Variants in SLC4A1 observed in about 807,000 individuals in gnomAD.
SLC4A1 encodes solute carrier family 4 member 1 (Diego blood group).
SLC4A1 carries 29 observed loss-of-function variants against 93.1 expected under a neutral mutation model. The ratio of observed to expected loss-of-function variants is 0.31; its 90% CI spans 0.23 to 0.42. The LOEUF (loss-of-function observed/expected upper bound fraction) is 0.42. Among genes scored for constraint, SLC4A1 ranks in the 20% least tolerant of loss-of-function variants. The pLI, the probability that SLC4A1 is intolerant of heterozygous loss-of-function variation, is 1.00. For missense variants in SLC4A1, 965 were observed against 1,190.1 expected, an observed-to-expected ratio of 0.81 and a Z score of 2.78; for synonymous variants, 469 against 497.2, an observed-to-expected ratio of 0.94 and a Z score of 0.76.
Position 44,268,110 on chromosome 17 carries a change from C to T in SLC4A1, c.-125G>A, listed in dbSNP as rs758571612. 5.1e-6 allele frequency: 5 copies of T among 985,470 alleles called. No individual in the cohort carries two copies. Among genetic ancestry groups the T allele is most frequent in the African/African-American group, 3.5e-5 (2 of 57,316 alleles). The allele number at this position is 985,470 out of a possible 1,614,324, so 61.0% of individuals were successfully genotyped here. On this transcript the variant is annotated 5_prime_UTR_variant, in exon 1 of 20. Coordinates refer to ENST00000262418, the MANE Select transcript of SLC4A1 (RefSeq NM_000342.4). ...GTCCTGCAGCCGCTGGTGCCCTCTGCGACCAGCTACGTTCCCACTCGTTCT... is the reference window on the plus strand; with the variant it reads ...GTCCTGCAGCCGCTGGTGCCCTCTGTGACCAGCTACGTTCCCACTCGTTCT...
intron 14 of SLC4A1, among the ~76,000 whole-genome samples, 186 bp from the exon 15 acceptor site, chr17:44,255,482 A>G (rs1263762840): frequency 3.3e-5 from 5 of 152,266 alleles, no homozygotes; most frequent in Admixed American, 3.3e-4. Flanking sequence ...CAGGCTGGGC[A>G]TGCCATGAAA....
intron 16 of SLC4A1, among the ~76,000 whole-genome samples, chr17:44,253,861 G>A (rs1052975730): frequency 1.3e-5 from 2 of 151,318 alleles, no homozygotes; most frequent in African/African-American, 4.9e-5. Flanking sequence ...TAGTAGAAAC[G>A]GGGTTTCACC....
intron 13 of SLC4A1, among the ~76,000 whole-genome samples, chr17:44,256,230 T>C (rs891756639): frequency 1.4e-5 from 2 of 147,816 alleles, no homozygotes; most frequent in African/African-American, 5.1e-5. Flanking sequence ...TCTTCCTCAA[T>C]TGACATGGAA....
In SLC4A1 at chr17:44,259,163, C is replaced by T; in HGVS notation, c.876G>A (p.Arg292=). 1 of 1,613,966 alleles carries T rather than the reference C, an allele frequency of 6.2e-7. No homozygotes were observed. Among genetic ancestry groups the T allele is most frequent in the East Asian group, 2.2e-5 (1 of 44,882 alleles). The change falls in exon 9 of 20, where the codon AGG becomes AGA. Residue 292 remains arginine, a splice_region_variant and synonymous_variant. Coordinates refer to ENST00000262418, the MANE Select transcript of SLC4A1 (RefSeq NM_000342.4). ...GRAAATLMSE[R]VFRIDAYMAQ... Reference sequence around the variant, plus strand: ...CCAGCCCTCTCCGGCCCTTCCTTACCCTCTCTGACATGAGGGTGGCAGCAG... The same window carrying T: ...CCAGCCCTCTCCGGCCCTTCCTTACTCTCTCTGACATGAGGGTGGCAGCAG...
At chr17:44,266,935 C>T (rs1184439753) in intron 1 of SLC4A1, among the ~76,000 whole-genome samples, 1 of 152,142 alleles carries the variant, frequency 6.6e-6, no homozygotes, top group Non-Finnish European at 1.5e-5. Flanking sequence ...GTGTAATCAG[C>T]CCGAACTGCA....
rs573159312 is a variant in SLC4A1 at position 44,250,855 on chromosome 17, A to G, written c.2655+304T>C. ...CTATTAGAGGAGTGACTCTGTCCCA[A>G]ATGACTCGGAAGACGGCAGGACTTG... On this transcript the variant is annotated intron_variant, in intron 19 of 19. Transcript: ENST00000262418. 1.9e-3 allele frequency among the ~76,000 whole-genome samples: 286 copies of G among 152,200 alleles called. 1 individual carries two copies. Among genetic ancestry groups the G allele is most frequent in the Non-Finnish European group, 1.8e-3 (125 of 67,992 alleles).
rs1598295496 is a variant in SLC4A1 at position 44,251,539 on chromosome 17, T to C, written c.2361A>G (p.Val787=). 1 of 1,613,990 alleles carries C rather than the reference T, an allele frequency of 6.2e-7. No homozygotes were observed. The highest frequency in any genetic ancestry group is 8.5e-7 in the Non-Finnish European group (1 of 1,180,004). The change falls in exon 18 of 20, where the codon GTA becomes GTG. Residue 787 remains valine (V), a synonymous_variant. Coordinates refer to ENST00000262418, the MANE Select transcript of SLC4A1 (RefSeq NM_000342.4). ...EPILSRIPLA[V]LFGIFLYMGV... The stretch of plus-strand genomic sequence containing the variant: ...CCATGTAGAGGAAGATGCCAAACAG[T>C]ACAGCCAGGGGGATGCGGGACAGGA...
rs144835638 is a variant in SLC4A1, at chr17:44,259,274, C to A, written c.765G>T (p.Ala255=). Residue 255 remains alanine (A), a synonymous_variant, in exon 9 of 20, where the codon GCG becomes GCT. Transcript: ENST00000262418. ...VRLQEAAELE[A]VELPVPIRFL... The stretch of plus-strand genomic sequence containing the variant: ...AGCGTATAGGCACCGGCAGCTCCAC[C>A]GCCTCCAGCTCCGCTGCCTCCTGCA... The A allele has an allele frequency of 1.2e-6, 2 of 1,613,954 alleles. No homozygotes were observed. The highest frequency in any genetic ancestry group is 1.1e-5 in the South Asian group (1 of 91,084).
rs2047324485 is a variant in SLC4A1, at chr17:44,250,009, A to T, written c.*449T>A. Reference sequence around the variant, plus strand: ...CTTTGGTCCTCAGTAACCATCCTGTAATGTGGGTATTATCATCAATATACC... The same window carrying T: ...CTTTGGTCCTCAGTAACCATCCTGTTATGTGGGTATTATCATCAATATACC... On this transcript the variant is annotated 3_prime_UTR_variant, in exon 20 of 20. Transcript: ENST00000262418. 1 of 222,068 alleles carries T rather than the reference A, an allele frequency of 4.5e-6. No individual in the cohort carries two copies. Among genetic ancestry groups the T allele is most frequent in the South Asian group, 7.5e-5 (1 of 13,282 alleles). 13.8% of individuals were successfully genotyped at this position (222,068 alleles called of 1,614,324 possible).
intron 14 of SLC4A1, 30 bp from the exon 15 acceptor site, chr17:44,255,326 G>C: frequency 6.6e-7 from 1 of 1,517,572 alleles, no homozygotes; most frequent in Non-Finnish European, 9.0e-7. Flanking sequence ...CCAGTGGTCA[G>C]TGCCCAGTCA....
At chr17:44,267,974 T>C in intron 1 of SLC4A1, 80 bp downstream of exon 1, 1 of 761,408 alleles carries the variant, frequency 1.3e-6, no homozygotes, top group Non-Finnish European at 1.6e-6. Flanking sequence ...CACCTGGGCA[T>C]AGATTCAGGC....
chr17:44,258,268 G>C lies in SLC4A1; in HGVS notation c.1088-88C>G. 1.4e-6 allele frequency: 2 copies of C among 1,452,050 alleles called. No individual in the cohort carries two copies. Among genetic ancestry groups the C allele is most frequent in the East Asian group, 4.5e-5 (2 of 44,096 alleles). 89.9% of individuals were successfully genotyped at this position (1,452,050 alleles called of 1,614,324 possible). On this transcript the variant is annotated intron_variant, in intron 10 of 19. Transcript: ENST00000262418. This position sits in a 1 kb window ranked among gnomAD's most constrained non-coding sequence, Gnocchi z 6.1. ...CTGGAGGGTGTAGGGGAGATTGTCTGATGGGAATGGGGCGGCGAAGAAGTC... is the reference window on the plus strand; with the variant it reads ...CTGGAGGGTGTAGGGGAGATTGTCTCATGGGAATGGGGCGGCGAAGAAGTC...
rs1313860979 is a variant in SLC4A1, at chr17:44,250,315, T to G, written c.*143A>C. 3 of 719,994 alleles carry G rather than the reference T, an allele frequency of 4.2e-6. No homozygotes were observed. Among genetic ancestry groups the G allele is most frequent in the Non-Finnish European group, 7.4e-6 (3 of 407,872 alleles). 44.6% of individuals were successfully genotyped at this position (719,994 alleles called of 1,614,324 possible). A position where few individuals can be genotyped will look rare whatever the true frequency, so the allele number is the denominator to read the frequency against. ...TGTGGAAGGTCTCCTGGACACGCCT[T>G]CCTTCCCCACCCACAGCCCTGGGGC... On this transcript the variant is annotated 3_prime_UTR_variant, in exon 20 of 20. Coordinates refer to ENST00000262418, the MANE Select transcript of SLC4A1 (RefSeq NM_000342.4).
Position 44,257,662 on chromosome 17 carries a change from G to A in SLC4A1, c.1428C>T (p.Phe476=), listed in dbSNP as rs868521669. ...GPLLVFEEAF[F]SFCETNGLEY... is the part of the protein sequence containing the mutation. ...AGTGGGGCAAGGACAGAACTACCGA[G>A]AAGAAGGCTTCCTCAAACACCAGCA... The change falls in exon 12 of 20, where the codon TTC becomes TTT. Residue 476 remains phenylalanine (F), a synonymous_variant. Transcript: ENST00000262418. The A allele has an allele frequency of 6.2e-7, 1 of 1,613,810 alleles. No homozygotes were observed. Among genetic ancestry groups the A allele is most frequent in the Non-Finnish European group, 8.5e-7 (1 of 1,179,958 alleles).
chr17:44,251,947 G>A (rs2047346509), intron 17 of SLC4A1, among the ~76,000 whole-genome samples: 1 of 148,162 alleles, frequency 6.7e-6, no homozygotes, highest in Non-Finnish European at 1.5e-5. Context: ...TCACTATGTT[G>A]CCCAGGCTAG....
chr17:44,262,916 T>C lies in SLC4A1; in HGVS notation c.-50A>G. 1 of 1,613,550 alleles carries C rather than the reference T, an allele frequency of 6.2e-7. No homozygotes were observed. The highest frequency in any genetic ancestry group is 8.5e-7 in the Non-Finnish European group (1 of 1,180,014). ...TCTACGGTGATCTGAGCCCCCAGCATAACCCGCACCGCGGGTCCCTGCAGC... is the reference window on the plus strand; with the variant it reads ...TCTACGGTGATCTGAGCCCCCAGCACAACCCGCACCGCGGGTCCCTGCAGC... On this transcript the variant is annotated 5_prime_UTR_variant, in exon 2 of 20. An upstream start codon of the reference 5' UTR is lost. Transcript: ENST00000262418.
chr17:44,250,547 G>T lies in SLC4A1; in HGVS notation c.2656-9C>A, dbSNP rs551186820. ...GCATCATCAGCATCCAGCTGGAGGGGAGGGACAGGAGAGAGACAGGGTGAG... is the reference window on the plus strand; with the variant it reads ...GCATCATCAGCATCCAGCTGGAGGGTAGGGACAGGAGAGAGACAGGGTGAG... On this transcript the variant is annotated splice_polypyrimidine_tract_variant and intron_variant, in intron 19 of 19. Coordinates refer to ENST00000262418, the MANE Select transcript of SLC4A1 (RefSeq NM_000342.4). The T allele has an allele frequency of 6.2e-7, 1 of 1,611,586 alleles. No homozygotes were observed. The highest frequency in any genetic ancestry group is 1.7e-5 in the Admixed American group (1 of 60,030).
chr17:44,253,593 C>T (rs2047362420), intron 16 of SLC4A1, among the ~76,000 whole-genome samples: 2 of 151,256 alleles, frequency 1.3e-5, no homozygotes, highest in Non-Finnish European at 2.9e-5. Flanking sequence ...GGCAACGAAG[C>T]TTCAGCTTCA....
intron 17 of SLC4A1, 50 bp downstream of exon 17, chr17:44,253,067 CG>C: frequency 6.3e-7 from 1 of 1,587,900 alleles, no homozygotes. Flanking sequence ...GGGAAGGGGC[CG>C]GGGGTGAGGG....
Sources: allele counts gnomAD v4.1 joint callset (sites outside exome capture counted in the v4.1 genomes callset), GRCh38; gene constraint gnomAD v4.1.1; non-coding constraint Gnocchi (gnomAD v3.1); transcripts MANE v1.5; gene names NCBI Gene and HGNC (gene_info 2026-07-23, HGNC 2026-07-21).